The following GLRA3 variants were observed in gnomAD, a reference collection of about 807,000 sequenced individuals.
The protein encoded by GLRA3 is glycine receptor alpha 3.
A neutral mutation model predicts 60.4 loss-of-function variants in GLRA3; 44 were observed. That is an observed-to-expected ratio of 0.73 (90% CI 0.57 to 0.94). GLRA3 has a LOEUF of 0.94. Ranked by LOEUF, GLRA3 falls within the 40% of genes least tolerant of loss-of-function variation. The pLI, the probability that GLRA3 is intolerant of heterozygous loss-of-function variation, is 0.00. For missense variants in GLRA3, 508 were observed against 564.6 expected (o/e 0.90, Z 1.02); for synonymous variants, 223 against 192.9 (o/e 1.16, Z -1.29).
chr4:174,819,494 T>C (rs917386193), intron 1 of GLRA3, among the ~76,000 whole-genome samples: 5 of 152,188 alleles, frequency 3.3e-5, no homozygotes, highest in African/African-American at 9.7e-5. Context: ...AATTCCATCC[T>C]CTTTTCTGCC....
At chr4:174,745,309 G>A (rs901247583) in intron 3 of GLRA3, among the ~76,000 whole-genome samples, 1 of 152,122 alleles carries the variant, frequency 6.6e-6, no homozygotes, top group African/African-American at 2.4e-5. Flanking sequence ...CCCCCAAAGA[G>A]ATACAATGCA....
At chr4:174,769,346 TA>T (rs1490691584) in intron 2 of GLRA3, among the ~76,000 whole-genome samples, 19 of 152,110 alleles carry the variant, frequency 1.2e-4, no homozygotes, top group Admixed American at 1.2e-3. Flanking sequence ...TTTACATTAA[TA>T]TGACAAGGTA....
At chr4:174,708,910 GCCT>G (rs1199034478) in intron 5 of GLRA3, among the ~76,000 whole-genome samples, 1 of 145,808 alleles carries the variant, frequency 6.9e-6, no homozygotes, top group East Asian at 2.0e-4. Context: ...TTTTTTTCCT[GCCT>G]CTAGCCCTGT....
At chr4:174,695,008 T>C (rs1003625622) in intron 5 of GLRA3, among the ~76,000 whole-genome samples, 2 of 152,002 alleles carry the variant, frequency 1.3e-5, no homozygotes, top group African/African-American at 4.8e-5. Context: ...ACATACAGTT[T>C]CCCAAGAATA....
At chr4:174,731,644 G>A (rs560586837) in intron 3 of GLRA3, among the ~76,000 whole-genome samples, 1 of 152,178 alleles carries the variant, frequency 6.6e-6, no homozygotes, top group African/African-American at 2.4e-5. Flanking sequence ...ATAAAATAAA[G>A]GTTAATAAAT....
At chr4:174,774,837 A>G (rs1738530366) in intron 2 of GLRA3, among the ~76,000 whole-genome samples, 1 of 152,124 alleles carries the variant, frequency 6.6e-6, no homozygotes, top group Non-Finnish European at 1.5e-5. Context: ...CTATTCAACT[A>G]CTTTTCTTGT....
chr4:174,728,502 T>C lies in GLRA3; in HGVS notation c.464A>G (p.Lys155Arg), dbSNP rs1247035731. ...TTDNKLLRIF[K>R]NGNVLYSIRL... ...TATTGAATAAAGAACATTTCCATTTTTGAAAATTCTTAGCAATTTGTTGTC... is the reference window on the plus strand; with the variant it reads ...TATTGAATAAAGAACATTTCCATTTCTGAAAATTCTTAGCAATTTGTTGTC... The change falls in exon 4 of 10, where the codon AAA becomes AGA. Residue 155 changes from lysine to arginine, a missense_variant. Lys to Arg is a conservative substitution (Grantham distance 26). Coordinates refer to ENST00000274093, the MANE Select transcript of GLRA3 (RefSeq NM_006529.4). 1.2e-6 allele frequency: 2 copies of C among 1,605,428 alleles called. No individual in the cohort carries two copies. The highest frequency in any genetic ancestry group is 1.7e-5 in the Admixed American group (1 of 59,738).
At chr4:174,694,562 A>G (rs1734978462) in intron 5 of GLRA3, among the ~76,000 whole-genome samples, 1 of 152,198 alleles carries the variant, frequency 6.6e-6, no homozygotes, top group African/African-American at 2.4e-5. Flanking sequence ...AACATACCAG[A>G]ATCTCTGGGA....
intron 2 of GLRA3, among the ~76,000 whole-genome samples, chr4:174,767,785 G>A (rs559374567): frequency 1.3e-5 from 2 of 152,058 alleles, no homozygotes; most frequent in Admixed American, 1.3e-4. Flanking sequence ...CACCAGAAGT[G>A]AGATACTGGG....
intron 5 of GLRA3, among the ~76,000 whole-genome samples, chr4:174,710,555 C>A (rs912384812): frequency 6.6e-5 from 10 of 152,062 alleles, no homozygotes; most frequent in Non-Finnish European, 1.5e-4. Context: ...TCATTATTGT[C>A]TCCGCTCTTG....
In GLRA3 at chr4:174,715,756, TG is replaced by T. The variant is rs953930519; in HGVS notation, c.492-187del. Among the ~76,000 whole-genome samples, 15 of 152,298 alleles carry T rather than the reference TG, an allele frequency of 9.8e-5. No homozygotes were observed. The East Asian group carries it at 2.7e-3, about 27-fold the overall frequency. Reference sequence around the variant, plus strand: ...ATATACAAATCTGGCTTTGGTGGGCTGGGGGTTGGATAATTGCATATCTTAG... The same window carrying T: ...ATATACAAATCTGGCTTTGGTGGGCTGGGGTTGGATAATTGCATATCTTAG... On this transcript the variant is annotated intron_variant, in intron 4 of 9. Coordinates refer to ENST00000274093, the MANE Select transcript of GLRA3 (RefSeq NM_006529.4).
rs569697014 is a variant in GLRA3 at position 174,698,174 on chromosome 4, G to A, written c.575-15235C>T. On this transcript the variant is annotated intron_variant, in intron 5 of 9. Transcript: ENST00000274093. ...GGCAATAATGCTTTGACTGGTCTTG[G>A]GTTTTTTTATTTTTGATATATTTAT... Among the ~76,000 whole-genome samples, 6 of 151,726 alleles carry A rather than the reference G, an allele frequency of 4.0e-5. No individual in the cohort carries two copies. The South Asian group carries it at 1.2e-3, about 31-fold the overall frequency.
At chr4:174,684,420 G>C (rs950563036) in intron 5 of GLRA3, among the ~76,000 whole-genome samples, 12 of 152,138 alleles carry the variant, frequency 7.9e-5, no homozygotes, top group Non-Finnish European at 5.9e-5. Context: ...GGGAATTCAG[G>C]ATAGAATTGA....
Position 174,674,300 on chromosome 4 carries a change from TCCTAAAGTTACACAA to T in GLRA3, c.927+2763_927+2777del, listed in dbSNP as rs150416177. ...CCAAGCACATGGTGTAAGAAAGTGC[TCCTAAAGTTACACAA>T]CCTTGAAAATTTGCTGGGAATAGAA... On this transcript the variant is annotated intron_variant, in intron 7 of 9. Coordinates refer to ENST00000274093, the MANE Select transcript of GLRA3 (RefSeq NM_006529.4). Among the ~76,000 whole-genome samples the T allele has an allele frequency of 7.2e-3, 1,089 of 152,276 alleles. 12 individuals carry two copies. The highest frequency in any genetic ancestry group is 0.025 in the African/African-American group (1,038 of 41,538).
At chr4:174,735,713 A>G (rs1338700450) in intron 3 of GLRA3, among the ~76,000 whole-genome samples, 1 of 152,100 alleles carries the variant, frequency 6.6e-6, no homozygotes, top group Non-Finnish European at 1.5e-5. Flanking sequence ...GGCACCTGCC[A>G]CTGCGTCCAT....
rs773949626 is a variant in GLRA3 at position 174,717,510 on chromosome 4, G to T, written c.492-1940C>A. Among the ~76,000 whole-genome samples, 3 of 152,198 alleles carry T rather than the reference G, an allele frequency of 2.0e-5. No individual in the cohort carries two copies. In the East Asian group the frequency reaches 5.8e-4, roughly 29 times the overall value. ...ACCATAGACATAAAGTTAGAATGAT[G>T]TATAGTCTACAGAGAGTATGCTTGG... is the stretch of plus-strand genomic sequence containing the variant. On this transcript the variant is annotated intron_variant, in intron 4 of 9. Coordinates refer to ENST00000274093, the MANE Select transcript of GLRA3 (RefSeq NM_006529.4).
chr4:174,792,759 G>A (rs1739407258), intron 1 of GLRA3, among the ~76,000 whole-genome samples: 1 of 152,162 alleles, frequency 6.6e-6, no homozygotes, highest in Non-Finnish European at 1.5e-5. Flanking sequence ...TGAACTCCAA[G>A]TTAGGTCACA....
At chr4:174,654,784 T>C (rs1460039610) in intron 9 of GLRA3, among the ~76,000 whole-genome samples, 12 of 152,028 alleles carry the variant, frequency 7.9e-5, no homozygotes, top group Admixed American at 7.9e-4. Flanking sequence ...ATATCATGCA[T>C]ACAGACACAC....
At chr4:174,671,312 C>G (rs1316925527) in intron 7 of GLRA3, among the ~76,000 whole-genome samples, 1 of 152,072 alleles carries the variant, frequency 6.6e-6, no homozygotes, top group Non-Finnish European at 1.5e-5. Flanking sequence ...ATAGGAAAAC[C>G]TGATTACTAT....
Sources: allele counts gnomAD v4.1 joint callset (sites outside exome capture counted in the v4.1 genomes callset), GRCh38; gene constraint gnomAD v4.1.1; transcripts MANE v1.5; gene names NCBI Gene and HGNC (gene_info 2026-07-23, HGNC 2026-07-21).